Variants in LRRTM4 observed in about 807,000 individuals in gnomAD.
The protein encoded by LRRTM4 is leucine-rich repeat transmembrane neuronal protein 4.
In LRRTM4, 25 loss-of-function variants were observed where a neutral mutation model predicts 47.6. That is an observed-to-expected ratio of 0.53 (90% confidence interval 0.38 to 0.73). The LOEUF (loss-of-function observed/expected upper bound fraction) is 0.73. LRRTM4 is among the 30% of genes least tolerant of loss of function. The pLI, the probability that LRRTM4 is intolerant of heterozygous loss-of-function variation, is 0.00. For synonymous variants in LRRTM4, 311 were observed against 269.5 expected (o/e 1.15, Z -1.51); for missense variants, 638 against 713.4 (o/e 0.89, Z 1.20).
At chr2:76,928,376 G>A (rs1050627332) in intron 3 of LRRTM4, among the ~76,000 whole-genome samples, 1 of 152,128 alleles carries the variant, frequency 6.6e-6, no homozygotes, top group African/African-American at 2.4e-5. Context: ...GTTTAAACAA[G>A]TGCAGGACTA....
intron 3 of LRRTM4, among the ~76,000 whole-genome samples, chr2:77,030,841 T>C (rs1678627004): frequency 6.6e-6 from 1 of 152,200 alleles, no homozygotes; most frequent in Non-Finnish European, 1.5e-5. Context: ...TGTATCAACA[T>C]GCATTTCTTT....
At chr2:77,307,993 T>TATATA (rs568215495) in intron 3 of LRRTM4, among the ~76,000 whole-genome samples, 20,407 of 120,314 alleles carry the variant, frequency 0.17, 2,714 homozygotes, top group East Asian at 0.43. Flanking sequence ...AATATATAGA[T>TATATA]ATATACAACA....
intron 3 of LRRTM4, among the ~76,000 whole-genome samples, chr2:77,200,996 G>T (rs116718550): frequency 6.6e-6 from 1 of 152,004 alleles, no homozygotes; most frequent in Non-Finnish European, 1.5e-5. Flanking sequence ...CTTTTAAATC[G>T]GACAAGGCAA....
rs572259249 is a variant in LRRTM4, at chr2:77,170,597, C to T, written c.1551+347721G>A. On this transcript the variant is annotated intron_variant, in intron 3 of 3. Coordinates refer to ENST00000409884, the MANE Select transcript of LRRTM4 (RefSeq NM_001134745.3). ...TTGTAGTAACTTGTTTTTGGAGTCA[C>T]GGAAAACTAATACATGGTCATTTTT... Among the ~76,000 whole-genome samples, 145 of 152,116 alleles carry T rather than the reference C, an allele frequency of 9.5e-4. 1 individual carries two copies. The highest frequency in any genetic ancestry group is 1.6e-3 in the Non-Finnish European group (108 of 68,000).
intron 3 of LRRTM4, among the ~76,000 whole-genome samples, chr2:76,999,001 T>G (rs958826906): frequency 4.6e-5 from 4 of 86,234 alleles, no homozygotes; most frequent in Non-Finnish European, 1.0e-4. Flanking sequence ...TCAGTCTAAC[T>G]TAGAGAGCTG....
At chr2:77,429,552 G>A (rs920312914) in intron 3 of LRRTM4, among the ~76,000 whole-genome samples, 8 of 152,024 alleles carry the variant, frequency 5.3e-5, no homozygotes, top group East Asian at 1.9e-4. Flanking sequence ...CGTTTACAAC[G>A]ACATAGATCA....
At chr2:76,921,210 C>G (rs1674422960) in intron 3 of LRRTM4, among the ~76,000 whole-genome samples, 1 of 152,052 alleles carries the variant, frequency 6.6e-6, no homozygotes, top group African/African-American at 2.4e-5. Flanking sequence ...GATGACTTGA[C>G]AATTTTAAGG....
chr2:77,518,251 AGGG>A (rs1679302693), intron 3 of LRRTM4, 64 bp downstream of exon 3: 11 of 1,462,392 alleles, frequency 7.5e-6, no homozygotes, highest in Non-Finnish European at 8.1e-6. Flanking sequence ...AGACACCTCT[AGGG>A]CTTCAAACAT....
At chr2:76,787,261 G>C (rs184215350) in intron 3 of LRRTM4, among the ~76,000 whole-genome samples, 27 of 152,206 alleles carry the variant, frequency 1.8e-4, no homozygotes, top group Admixed American at 3.9e-4. Context: ...AAATAATTTA[G>C]AATGCACAAT....
At chr2:77,267,393 C>T (rs145590038) in intron 3 of LRRTM4, among the ~76,000 whole-genome samples, 5 of 152,284 alleles carry the variant, frequency 3.3e-5, no homozygotes, top group African/African-American at 1.2e-4. Context: ...GTCTTTGCTT[C>T]TAAGATGCCA....
chr2:77,461,438 T>G (rs989936174), intron 3 of LRRTM4, among the ~76,000 whole-genome samples: 3 of 152,070 alleles, frequency 2.0e-5, no homozygotes, highest in African/African-American at 7.2e-5. Flanking sequence ...ACACACATCT[T>G]CCTGCCATGG....
At chr2:77,479,635 C>T (rs554629561) in intron 3 of LRRTM4, among the ~76,000 whole-genome samples, 4 of 152,308 alleles carry the variant, frequency 2.6e-5, no homozygotes, top group East Asian at 1.9e-4. Flanking sequence ...CAGTCAGTCT[C>T]GAGGTTAGGA....
chr2:77,021,664 C>T (rs1234652080), intron 3 of LRRTM4, among the ~76,000 whole-genome samples: 2 of 152,124 alleles, frequency 1.3e-5, no homozygotes, highest in Non-Finnish European at 2.9e-5. Context: ...CAGCTGAATG[C>T]AACTGCATGA....
intron 3 of LRRTM4, among the ~76,000 whole-genome samples, chr2:77,021,666 A>G (rs1678275298): frequency 6.6e-6 from 1 of 152,200 alleles, no homozygotes; most frequent in African/African-American, 2.4e-5. Flanking sequence ...GCTGAATGCA[A>G]CTGCATGAGT....
intron 3 of LRRTM4, among the ~76,000 whole-genome samples, chr2:76,841,463 A>G (rs530440957): frequency 6.6e-6 from 1 of 152,056 alleles, no homozygotes; most frequent in African/African-American, 2.4e-5. Flanking sequence ...TTCTCTGACC[A>G]TACATCCAGG....
intron 3 of LRRTM4, among the ~76,000 whole-genome samples, chr2:76,897,313 G>A (rs1259458564): frequency 6.6e-6 from 1 of 152,096 alleles, no homozygotes; most frequent in East Asian, 1.9e-4. Flanking sequence ...ATATACACCT[G>A]TGACATCTCA....
chr2:77,289,447 C>T (rs1676759400), intron 3 of LRRTM4, among the ~76,000 whole-genome samples: 2 of 152,002 alleles, frequency 1.3e-5, no homozygotes, highest in African/African-American at 4.8e-5. Flanking sequence ...GTACAATTAC[C>T]AGAATCCCTG....
intron 3 of LRRTM4, among the ~76,000 whole-genome samples, chr2:76,924,242 C>T (rs1291034359): frequency 6.6e-6 from 1 of 152,102 alleles, no homozygotes; most frequent in African/African-American, 2.4e-5. Context: ...TAATAGGTCT[C>T]ATAATCATGA....
chr2:76,942,705 T>TGTGTGTGTGTGTGTGTGTGTGTG (rs1558753144), intron 3 of LRRTM4, among the ~76,000 whole-genome samples: 3 of 151,648 alleles, frequency 2.0e-5, no homozygotes, highest in Admixed American at 6.6e-5. Flanking sequence ...TGTGTGTGTG[T>TGTGTGTGTGTGTGTGTGTGTGTG]TTAAATCTGT....
Sources: gnomAD v4.1 joint callset for allele counts (sites outside exome capture counted in the v4.1 genomes callset) on GRCh38, gnomAD v4.1.1 for gene constraint, MANE v1.5 for transcripts, NCBI Gene and HGNC (gene_info 2026-07-23, HGNC 2026-07-21) for gene names.